The following TUBGCP2 variants were observed in gnomAD, a reference collection of about 807,000 sequenced individuals.
TUBGCP2 encodes the protein gamma-tubulin complex component 2.
Under a neutral mutation model 92.2 loss-of-function variants are expected in TUBGCP2, and 55 were observed. The observed-to-expected ratio is 0.60, with a 90% CI of 0.48 to 0.75. The LOEUF is 0.75. TUBGCP2 is among the 30% of genes least tolerant of loss of function. The probability of loss-of-function intolerance (pLI) is 0.00; values close to 1 mark genes in which losing one functional copy is unlikely to be tolerated. For missense variants in TUBGCP2, 1,093 were observed against 1,188.9 expected (o/e 0.92, Z 1.19); for synonymous variants, 533 against 505.2 (o/e 1.06, Z -0.74).
At chr10:133,310,277 G>C (rs1379795715), upstream of TUBGCP2, 1 of 1,613,846 alleles carries the variant, frequency 6.2e-7, no homozygotes, top group Non-Finnish European at 8.5e-7. Flanking sequence ...ATAAGCCAAA[G>C]AAAAGCAGAA....
intron 8 of TUBGCP2, among the ~76,000 whole-genome samples, chr10:133,291,814 C>CT (rs1223924362): frequency 2.3e-5 from 1 of 42,806 alleles, no homozygotes; most frequent in Non-Finnish European, 4.5e-5. Context: ...CTCCGTGTCC[C>CT]CCATGTCCCT....
Position 133,281,307 on chromosome 10 carries a change from C to T in TUBGCP2, c.2539G>A (p.Asp847Asn). The T allele has an allele frequency of 6.2e-7, 1 of 1,612,942 alleles. No individual in the cohort carries two copies. The highest frequency in any genetic ancestry group is 1.1e-5 in the South Asian group (1 of 91,036). ...ACGCTGGCCATGCCGTGCTCACAGTCACTGGTGCTATAGATGCTCAGCCGG... is the reference window on the plus strand; with the variant it reads ...ACGCTGGCCATGCCGTGCTCACAGTTACTGGTGCTATAGATGCTCAGCCGG... ...LARLSIYSTS[D>N]CEHGMASVIS... Residue 847 changes from aspartate (D) to asparagine (N), a missense_variant, in exon 17 of 18, where the codon GAC becomes AAC. Asp to Asn is a conservative substitution (Grantham distance 23, BLOSUM62 1). Transcript: ENST00000252936.
intron 14 of TUBGCP2, 102 bp from the exon 15 acceptor site, chr10:133,283,323 C>T: frequency 6.6e-7 from 1 of 1,519,754 alleles, no homozygotes; most frequent in Admixed American, 1.8e-5. Flanking sequence ...CCTGTTTACG[C>T]ACTTCTACCT....
In TUBGCP2 at chr10:133,288,451, C is replaced by T. The variant is rs993551372; in HGVS notation, c.1542-142G>A. 48 of 1,058,666 alleles carry T rather than the reference C, an allele frequency of 4.5e-5. No individual in the cohort carries two copies. The East Asian group carries it at 6.3e-4, about 14-fold the overall frequency. The allele number at this position is 1,058,666 out of a possible 1,614,324, so 65.6% of individuals were successfully genotyped here. A position where few individuals can be genotyped will look rare whatever the true frequency, so the allele number is the denominator to read the frequency against. On this transcript the variant is annotated intron_variant, in intron 10 of 17. Coordinates refer to ENST00000252936, the MANE Select transcript of TUBGCP2 (RefSeq NM_006659.4). ...GAGCACGTGCCCACCCGCAGGTGCC[C>T]GCCACGGCCAGGGAGCAGGCGTGAG...
rs759681916 is a variant in TUBGCP2 at position 133,284,011 on chromosome 10, CACGGAGG to C, written c.2025-16_2025-10del. On this transcript the variant is annotated splice_polypyrimidine_tract_variant and intron_variant, in intron 13 of 17. Transcript: ENST00000252936. ...TGAAAGCCCCAGCAAACCTGAGTGA[CACGGAGG>C]ACGGAGGACAGCCATGGAGGACGCG... 7 of 1,612,740 alleles carry C rather than the reference CACGGAGG, an allele frequency of 4.3e-6. No individual in the cohort carries two copies. The highest frequency in any genetic ancestry group is 3.3e-5 in the Admixed American group (2 of 59,956).
At chr10:133,311,753 C>G (rs747203864), upstream of TUBGCP2, 1 of 1,613,696 alleles carries the variant, frequency 6.2e-7, no homozygotes, top group Non-Finnish European at 8.5e-7. Context: ...CAGTGGAGAG[C>G]GGTCAGAAGG....
Position 133,300,745 on chromosome 10 carries a change from G to A in TUBGCP2, c.151-632C>T, listed in dbSNP as rs1395340038. Among the ~76,000 whole-genome samples the A allele has an allele frequency of 1.3e-4, 20 of 152,296 alleles. 1 individual carries two copies. In the East Asian group the frequency reaches 2.9e-3, roughly 22 times the overall value. On this transcript the variant is annotated intron_variant, in intron 2 of 17. Transcript: ENST00000252936. ...ACCTGCCTCGTCCCAAAGTGCTGGC[G>A]TTACAGGTGTGAGCCCCTGCGCCCG...
At chr10:133,282,032 G>A (rs1039865497) in intron 16 of TUBGCP2, among the ~76,000 whole-genome samples, 191 bp downstream of exon 16, 1 of 152,270 alleles carries the variant, frequency 6.6e-6, no homozygotes, top group African/African-American at 2.4e-5. Flanking sequence ...CTGAAGTGGG[G>A]ACCAGAGAGC....
In TUBGCP2 at chr10:133,279,624, A is replaced by G; in HGVS notation, c.*142T>C. On this transcript the variant is annotated 3_prime_UTR_variant, in exon 18 of 18. Transcript: ENST00000252936. ...TAAAACGAAACCCAGCGCCTTGAGA[A>G]ACAAAGTGAGCTGAGTCAATCATTC... 1 of 1,291,980 alleles carries G rather than the reference A, an allele frequency of 7.7e-7. No individual in the cohort carries two copies. The highest frequency in any genetic ancestry group is 1.0e-6 in the Non-Finnish European group (1 of 993,988). 80.0% of individuals were successfully genotyped at this position (1,291,980 alleles called of 1,614,324 possible). A position where few individuals can be genotyped will look rare whatever the true frequency, so the allele number is the denominator to read the frequency against.
intron 13 of TUBGCP2, among the ~76,000 whole-genome samples, chr10:133,284,282 C>A (rs1847071893): frequency 1.3e-5 from 2 of 152,230 alleles, no homozygotes. Context: ...GGTGGACGGA[C>A]CCCTCGGAGC....
At chr10:133,307,071 A>T (rs1216171899) in intron 1 of TUBGCP2, among the ~76,000 whole-genome samples, 3 of 152,222 alleles carry the variant, frequency 2.0e-5, no homozygotes, top group African/African-American at 7.2e-5. Flanking sequence ...CTAATCATCA[A>T]CAGAGCTGTC....
In TUBGCP2 at chr10:133,293,025, G is replaced by C; in HGVS notation, c.1024+14C>G. ...CACCCACCACTGCCCCATGCCCCCC[G>C]GGCGGGCACGCACCGAGGGAGGCCA... On this transcript the variant is annotated intron_variant, in intron 7 of 17. Coordinates refer to ENST00000252936, the MANE Select transcript of TUBGCP2 (RefSeq NM_006659.4). The C allele has an allele frequency of 1.2e-6, 2 of 1,611,192 alleles. No homozygotes were observed. Among genetic ancestry groups the C allele is most frequent in the Non-Finnish European group, 1.7e-6 (2 of 1,179,258 alleles).
At position 133,299,544 on chromosome 10, in the gene TUBGCP2, C is replaced by T. The variant is rs756559059; in HGVS notation, c.339G>A (p.Val113=). The change falls in exon 4 of 18, where the codon GTG becomes GTA. Residue 113 remains valine (V), a synonymous_variant. Transcript: ENST00000252936. The part of the protein sequence containing the change: ...KERAELAAAA[V]GSSTTSINVP... ...CGTTGATGCTGGTGGTACTGCTGCCCACAGCAGCGGCTGCAAGCTCAGCTC... is the reference window on the plus strand; with the variant it reads ...CGTTGATGCTGGTGGTACTGCTGCCTACAGCAGCGGCTGCAAGCTCAGCTC... 6.8e-6 allele frequency: 11 copies of T among 1,613,536 alleles called. No individual in the cohort carries two copies. Among genetic ancestry groups the T allele is most frequent in the Non-Finnish European group, 9.3e-6 (11 of 1,179,742 alleles).
In TUBGCP2 at chr10:133,279,637, G is replaced by C. The variant is rs1307682901; in HGVS notation, c.*129C>G. 6.0e-6 allele frequency: 8 copies of C among 1,329,678 alleles called. No homozygotes were observed. In the East Asian group the frequency reaches 9.0e-5, roughly 15 times the overall value. 82.4% of individuals were successfully genotyped at this position (1,329,678 alleles called of 1,614,324 possible). ...AGCGCCTTGAGAAACAAAGTGAGCTGAGTCAATCATTCCTGCTTTATATTT... is the reference window on the plus strand; with the variant it reads ...AGCGCCTTGAGAAACAAAGTGAGCTCAGTCAATCATTCCTGCTTTATATTT... On this transcript the variant is annotated 3_prime_UTR_variant, in exon 18 of 18. Coordinates refer to ENST00000252936, the MANE Select transcript of TUBGCP2 (RefSeq NM_006659.4).
chr10:133,293,773 C>A lies in TUBGCP2; in HGVS notation c.617-4G>T, dbSNP rs563937746. ...TGCGAGGCCAGGGGCAACGTGCCTGCGGGCACAGACAGCGCTGTGGCTCTG... is the reference window on the plus strand; with the variant it reads ...TGCGAGGCCAGGGGCAACGTGCCTGAGGGCACAGACAGCGCTGTGGCTCTG... On this transcript the variant is annotated splice_polypyrimidine_tract_variant and splice_region_variant and intron_variant, in intron 5 of 17. Coordinates refer to ENST00000252936, the MANE Select transcript of TUBGCP2 (RefSeq NM_006659.4). The A allele has an allele frequency of 1.3e-6, 2 of 1,577,714 alleles. No homozygotes were observed. Among genetic ancestry groups the A allele is most frequent in the Non-Finnish European group, 1.7e-6 (2 of 1,162,704 alleles).
At chr10:133,311,781 G>T, upstream of TUBGCP2, 2 of 1,613,778 alleles carry the variant, frequency 1.2e-6, no homozygotes, top group South Asian at 2.2e-5. Flanking sequence ...ATGGAAATCT[G>T]CTCTGAGCCT....
At position 133,293,861 on chromosome 10, in the gene TUBGCP2, C is replaced by G. The variant is rs1847425488; in HGVS notation, c.617-92G>C. 2.4e-6 allele frequency: 3 copies of G among 1,267,926 alleles called. No homozygotes were observed. In the Admixed American group the frequency reaches 6.0e-5, roughly 25 times the overall value. 78.5% of individuals were successfully genotyped at this position (1,267,926 alleles called of 1,614,324 possible). A position where few individuals can be genotyped will look rare whatever the true frequency, so the allele number is the denominator to read the frequency against. Reference sequence around the variant, plus strand: ...CATCTGCGGGTCAGTCTCACTCTTGCTCATCTTTGTTTATGGGTATAAAAG... The same window carrying G: ...CATCTGCGGGTCAGTCTCACTCTTGGTCATCTTTGTTTATGGGTATAAAAG... On this transcript the variant is annotated intron_variant, in intron 5 of 17. Coordinates refer to ENST00000252936, the MANE Select transcript of TUBGCP2 (RefSeq NM_006659.4).
rs548307033 is a variant in TUBGCP2, at chr10:133,282,130, G to A, written c.2409+93C>T. 9 of 1,576,316 alleles carry A rather than the reference G, an allele frequency of 5.7e-6. No homozygotes were observed. The African/African-American group carries it at 9.5e-5, about 17-fold the overall frequency. On this transcript the variant is annotated intron_variant, in intron 16 of 17. Transcript: ENST00000252936. Reference sequence around the variant, plus strand: ...ATCTGAGGGGAGATGGAAGTAAAAGGGGGGAGGTTTGTTCTCCCTGCGTCA... The same window carrying A: ...ATCTGAGGGGAGATGGAAGTAAAAGAGGGGAGGTTTGTTCTCCCTGCGTCA...
upstream of TUBGCP2, chr10:133,309,436 AG>A (rs1407276763): frequency 6.2e-7 from 1 of 1,612,430 alleles, no homozygotes; most frequent in Non-Finnish European, 8.5e-7. Flanking sequence ...GTGATCATGC[AG>A]GTGGCCGACG....
Sources: allele counts gnomAD v4.1 joint callset (sites outside exome capture counted in the v4.1 genomes callset), GRCh38; gene constraint gnomAD v4.1.1; transcripts MANE v1.5; gene names NCBI Gene and HGNC (gene_info 2026-07-23, HGNC 2026-07-21).